DIS3L2: variants seen among roughly 807,000 people sequenced by gnomAD.
DIS3L2 encodes the protein DIS3 like 3'-5' exoribonuclease 2.
DIS3L2 carries 34 observed loss-of-function variants against 97.5 expected under a neutral mutation model. That is an observed-to-expected ratio of 0.35 (90% CI 0.27 to 0.46). The LOEUF (loss-of-function observed/expected upper bound fraction) is 0.46. Among genes scored for constraint, DIS3L2 ranks in the 20% least tolerant of loss-of-function variants. The pLI is 1.00. For synonymous variants in DIS3L2, 435 were observed against 445.2 expected (o/e 0.98, Z 0.29); for missense variants, 1,038 against 1,146.0 (o/e 0.91, Z 1.36).
intron 9 of DIS3L2, among the ~76,000 whole-genome samples, chr2:232,164,702 G>C (rs932830534): frequency 6.6e-6 from 1 of 152,080 alleles, no homozygotes; most frequent in Non-Finnish European, 1.5e-5. Context: ...TTTCCTACTT[G>C]TTAGTATCTC....
intron 1 of DIS3L2, among the ~76,000 whole-genome samples, chr2:231,993,063 T>G (rs942673355): frequency 6.6e-6 from 1 of 152,182 alleles, no homozygotes; most frequent in Non-Finnish European, 1.5e-5. Flanking sequence ...GCCCAGATGT[T>G]CTTCAGAGCT....
intron 16 of DIS3L2, among the ~76,000 whole-genome samples, chr2:232,333,206 TCC>T: frequency 1.7e-5 from 1 of 57,842 alleles, no homozygotes; most frequent in Non-Finnish European, 2.8e-5. Context: ...CTCCTCCTCC[TCC>T]TCCTCCTCCT....
intron 5 of DIS3L2, among the ~76,000 whole-genome samples, chr2:232,065,680 A>C (rs188492623): frequency 6.6e-6 from 1 of 152,098 alleles, no homozygotes; most frequent in Non-Finnish European, 1.5e-5. Context: ...ATTGATGGGA[A>C]ATTTAGAATT....
intron 11 of DIS3L2, among the ~76,000 whole-genome samples, chr2:232,244,067 G>A (rs1454357318): frequency 6.6e-6 from 1 of 152,248 alleles, no homozygotes; most frequent in Non-Finnish European, 1.5e-5. Context: ...GAAGTCTGGA[G>A]AATAAACAAG....
At chr2:232,066,476 A>G (rs1181546398) in intron 5 of DIS3L2, among the ~76,000 whole-genome samples, 1 of 152,030 alleles carries the variant, frequency 6.6e-6, no homozygotes, top group Non-Finnish European at 1.5e-5. Flanking sequence ...TTTGCTAATA[A>G]TTTGTTGACA....
At chr2:232,109,865 T>C (rs1476917506) in intron 6 of DIS3L2, among the ~76,000 whole-genome samples, 5 of 152,040 alleles carry the variant, frequency 3.3e-5, no homozygotes, top group African/African-American at 1.2e-4. Flanking sequence ...TGACAAATGG[T>C]ATCTAATTAA....
At chr2:231,999,571 G>T (rs983231218) in intron 1 of DIS3L2, among the ~76,000 whole-genome samples, 2 of 151,804 alleles carry the variant, frequency 1.3e-5, no homozygotes, top group Non-Finnish European at 1.5e-5. Context: ...AACTTGGCTC[G>T]TTATCCACAA....
At chr2:232,127,885 C>G (rs1698109709) in intron 6 of DIS3L2, among the ~76,000 whole-genome samples, 1 of 152,172 alleles carries the variant, frequency 6.6e-6, no homozygotes, top group Admixed American at 6.5e-5. Flanking sequence ...TCCCTGATCT[C>G]TAATCTAAAT....
chr2:232,096,530 C>T (rs1015407746), intron 6 of DIS3L2, among the ~76,000 whole-genome samples: 2 of 152,096 alleles, frequency 1.3e-5, no homozygotes, highest in African/African-American at 4.8e-5. Context: ...CTTTCTCTAC[C>T]TCCTCTTTAA....
intron 6 of DIS3L2, among the ~76,000 whole-genome samples, chr2:232,114,538 G>A (rs1697643363): frequency 6.6e-6 from 1 of 152,194 alleles, no homozygotes; most frequent in Admixed American, 6.5e-5. Context: ...ATGACATCCA[G>A]TGGGCAATTG....
At chr2:232,116,925 G>A (rs1320631617) in intron 6 of DIS3L2, among the ~76,000 whole-genome samples, 1 of 152,168 alleles carries the variant, frequency 6.6e-6, no homozygotes, top group South Asian at 2.1e-4. Flanking sequence ...GGAACCAGCC[G>A]TCCACGCTTC....
chr2:232,111,125 G>T (rs1200549910), intron 6 of DIS3L2: 2 of 411,544 alleles, frequency 4.9e-6, no homozygotes, highest in African/African-American at 2.1e-5. Context: ...AATTTAAAAA[G>T]ATCTTATTAA....
Position 232,293,611 on chromosome 2 carries a change from A to T in DIS3L2, c.1660-6429A>T, listed in dbSNP as rs1694655269. On this transcript the variant is annotated intron_variant, in intron 13 of 20. Transcript: ENST00000325385. The surrounding 1 kb of genome is among the most constrained non-coding windows in gnomAD (Gnocchi z 4.6). ...GGAGCTCTGCAGGAGCTGGAGAGTG[A>T]CCCTTCCCTGTCCTGTAAGACTCCT... Among the ~76,000 whole-genome samples the T allele has an allele frequency of 1.3e-5, 2 of 151,608 alleles. No homozygotes were observed. Among genetic ancestry groups the T allele is most frequent in the African/African-American group, 4.9e-5 (2 of 41,214 alleles).
chr2:232,340,739 A>G (rs1006648513), downstream of DIS3L2: 5 of 470,616 alleles, frequency 1.1e-5, no homozygotes, highest in Admixed American at 9.4e-5. Flanking sequence ...AAAGAACCCA[A>G]CCTCAGAGAT....
chr2:232,335,324 A>G (rs1259073675), intron 19 of DIS3L2: 3 of 198,738 alleles, frequency 1.5e-5, no homozygotes, highest in Non-Finnish European at 3.1e-5. Flanking sequence ...CGTGGTGTTC[A>G]TAACCGGGAG....
chr2:232,117,654 C>T (rs1248206209), intron 6 of DIS3L2, among the ~76,000 whole-genome samples: 2 of 152,222 alleles, frequency 1.3e-5, no homozygotes, highest in African/African-American at 4.8e-5. Flanking sequence ...CCAACCTTTG[C>T]TCTTGCATCT....
intron 8 of DIS3L2, among the ~76,000 whole-genome samples, chr2:232,142,624 C>T (rs1379350029): frequency 6.6e-6 from 1 of 152,128 alleles, no homozygotes; most frequent in Non-Finnish European, 1.5e-5. Context: ...TTGACTCTTA[C>T]TTCTTTTCTC....
intron 9 of DIS3L2, among the ~76,000 whole-genome samples, chr2:232,203,585 T>C (rs1380529536): frequency 6.6e-6 from 1 of 152,212 alleles, no homozygotes; most frequent in Non-Finnish European, 1.5e-5. Flanking sequence ...ATTACATATG[T>C]GCCTTCAATG....
At position 232,334,359 on chromosome 2, in the gene DIS3L2, CT is replaced by C; in HGVS notation, c.2159-9del. The C allele has an allele frequency of 6.2e-7, 1 of 1,612,976 alleles. No homozygotes were observed. The highest frequency in any genetic ancestry group is 8.5e-7 in the Non-Finnish European group (1 of 1,179,786). On this transcript the variant is annotated splice_polypyrimidine_tract_variant and intron_variant, in intron 17 of 20. Transcript: ENST00000325385. ...GGCTCCCACTCTCATGCCTCACCCC[CT>C]CTTCCCAGGCTATAGGGAGCGACTA... is the stretch of plus-strand genomic sequence containing the variant.
Sources: gnomAD v4.1 joint callset for allele counts (sites outside exome capture counted in the v4.1 genomes callset) on GRCh38, gnomAD v4.1.1 for gene constraint, Gnocchi (gnomAD v3.1) non-coding constraint, MANE v1.5 for transcripts, NCBI Gene and HGNC (gene_info 2026-07-23, HGNC 2026-07-21) for gene names.